CNIH2: variants seen among roughly 807,000 people sequenced by gnomAD.
The protein encoded by CNIH2 is cornichon family AMPA receptor auxiliary protein 2, also known as protein cornichon homolog 2.
A neutral mutation model predicts 22.9 loss-of-function variants in CNIH2; 8 were observed. That is an observed-to-expected ratio of 0.35 (90% CI 0.20 to 0.63). The LOEUF is 0.63. Among genes scored for constraint, CNIH2 ranks in the 30% least tolerant of loss-of-function variants. The pLI is 0.72. For synonymous variants in CNIH2, 74 were observed against 78.2 expected (o/e 0.95, Z 0.28); for missense variants, 105 against 206.2 (o/e 0.51, Z 3.01).
At chr11:66,281,601 C>G (rs1739797963) in intron 1 of CNIH2, 2 of 397,052 alleles carry the variant, frequency 5.0e-6, no homozygotes, top group Admixed American at 5.6e-5. Flanking sequence ...GCTCTGGCCT[C>G]ACAGGGCGCC....
chr11:66,278,272 C>T lies in CNIH2; in HGVS notation c.-185C>T, dbSNP rs1471012942. On this transcript the variant is annotated 5_prime_UTR_variant, in exon 1 of 6. Coordinates refer to ENST00000311445, the MANE Select transcript of CNIH2 (RefSeq NM_182553.3). Reference sequence around the variant, plus strand: ...CGGGCAGCCGGCAGCGGACGCGCCCCCCGAGCCCACCGGCCCGCGCCCCGC... The same window carrying T: ...CGGGCAGCCGGCAGCGGACGCGCCCTCCGAGCCCACCGGCCCGCGCCCCGC... 1 of 147,436 alleles carries T rather than the reference C, an allele frequency of 6.8e-6. No homozygotes were observed. 9.1% of individuals were successfully genotyped at this position (147,436 alleles called of 1,614,324 possible).
At position 66,283,744 on chromosome 11, in the gene CNIH2, G is replaced by A; in HGVS notation, c.*147G>A. On this transcript the variant is annotated 3_prime_UTR_variant, in exon 6 of 6. Coordinates refer to ENST00000311445, the MANE Select transcript of CNIH2 (RefSeq NM_182553.3). ...CTCCAACCCCCAAACTGCTGCTGCG[G>A]GGAACCCCCCCCACCCCGCCTTCAG... 1.2e-6 allele frequency: 1 copy of A among 850,810 alleles called. No homozygotes were observed. Among genetic ancestry groups the A allele is most frequent in the Non-Finnish European group, 1.8e-6 (1 of 555,064 alleles). The allele number at this position is 850,810 out of a possible 1,614,324, so 52.7% of individuals were successfully genotyped here. A position where few individuals can be genotyped will look rare whatever the true frequency, so the allele number is the denominator to read the frequency against.
At chr11:66,281,868 C>T (rs1230017915) in intron 1 of CNIH2, among the ~76,000 whole-genome samples, 1 of 152,100 alleles carries the variant, frequency 6.6e-6, no homozygotes, top group Non-Finnish European at 1.5e-5. Flanking sequence ...CCTCCCTGTA[C>T]CCCAAACCCT....
At chr11:66,283,451 C>T (rs957392770) in intron 5 of CNIH2, 60 bp downstream of exon 5, 9 of 1,611,380 alleles carry the variant, frequency 5.6e-6, no homozygotes, top group Non-Finnish European at 6.8e-6. Flanking sequence ...ATCACGCTTC[C>T]AATCCCAAGT....
At position 66,283,663 on chromosome 11, in the gene CNIH2, C is replaced by G; in HGVS notation, c.*66C>G. ...CGCCTGTGCACCCCCAGCCCTGCCC[C>G]TTGGCCGCAGAGGCCTCAGCCCTGG... On this transcript the variant is annotated 3_prime_UTR_variant, in exon 6 of 6. Transcript: ENST00000311445. 6.5e-7 allele frequency: 1 copy of G among 1,536,792 alleles called. No homozygotes were observed. The highest frequency in any genetic ancestry group is 1.2e-5 in the South Asian group (1 of 83,370).
Position 66,283,389 on chromosome 11 carries a change from C to T in CNIH2, c.453C>T (p.Tyr151=), listed in dbSNP as rs543315220. ...TGCTCTCCTTCTTCTATTACCTGTA[C>T]AGGTGAGGCCTTGCCCACAGCAGTC... is the stretch of plus-strand genomic sequence containing the variant. ...FYLLSFFYYL[Y]SMVYTLVSF The change falls in exon 5 of 6, where the codon TAC becomes TAT. Residue 151 remains tyrosine (Y), a splice_region_variant and synonymous_variant. Coordinates refer to ENST00000311445, the MANE Select transcript of CNIH2 (RefSeq NM_182553.3). The T allele has an allele frequency of 3.7e-5, 59 of 1,614,034 alleles. No homozygotes were observed. The highest frequency in any genetic ancestry group is 4.7e-5 in the Non-Finnish European group (56 of 1,180,004).
intron 1 of CNIH2, among the ~76,000 whole-genome samples, chr11:66,280,975 C>T (rs560245322): frequency 6.6e-6 from 1 of 152,320 alleles, no homozygotes; most frequent in East Asian, 1.9e-4. Flanking sequence ...CCATCATCCC[C>T]TCAAACACTT....
chr11:66,282,693 TCTC>T lies in CNIH2; in HGVS notation c.151-38_151-36del, dbSNP rs745345065. ...GGTGGGAGCTGCTCCAGTACCTGCT[TCTC>T]CGCCACCCCATCGCGGCCTTTTCCT... On this transcript the variant is annotated intron_variant, in intron 2 of 5. Coordinates refer to ENST00000311445, the MANE Select transcript of CNIH2 (RefSeq NM_182553.3). The T allele has an allele frequency of 5.9e-5, 95 of 1,612,616 alleles. 1 individual carries two copies. The South Asian group carries it at 8.3e-4, about 14-fold the overall frequency.
chr11:66,283,569 G>T lies in CNIH2; in HGVS notation c.456-1G>T. 1 of 1,592,152 alleles carries T rather than the reference G, an allele frequency of 6.3e-7. No individual in the cohort carries two copies. The highest frequency in any genetic ancestry group is 8.6e-7 in the Non-Finnish European group (1 of 1,168,424). On this transcript the variant is annotated splice_acceptor_variant, in intron 5 of 5. Transcript: ENST00000311445. LOFTEE classifies it high-confidence loss of function. ...AGGCTCACTGGCTCATCTTCCTACA[G>T]TATGGTTTATACGTTGGTGAGTTTC...
At chr11:66,282,423 T>C in intron 2 of CNIH2, 96 bp downstream of exon 2, 1 of 147,070 alleles carries the variant, frequency 6.8e-6, no homozygotes, top group South Asian at 8.7e-5. Context: ...GGGGGTGGGG[T>C]GGGGGGCCTA....
intron 3 of CNIH2, 40 bp downstream of exon 3, chr11:66,282,820 C>T (rs1206445547): frequency 6.3e-7 from 1 of 1,587,506 alleles, no homozygotes; most frequent in Non-Finnish European, 8.6e-7. Context: ...CCTAGCCCAG[C>T]GCTGCCCCCA....
chr11:66,282,456 G>C, intron 2 of CNIH2, 129 bp downstream of exon 2: 1 of 1,137,164 alleles, frequency 8.8e-7, no homozygotes, highest in Middle Eastern at 2.8e-4. Context: ...CTTCCTCTCT[G>C]TCTCCGCCCC....
In CNIH2 at chr11:66,278,551, G is replaced by A. The variant is rs1460292479; in HGVS notation, c.81+14G>A. On this transcript the variant is annotated intron_variant, in intron 1 of 5. Coordinates refer to ENST00000311445, the MANE Select transcript of CNIH2 (RefSeq NM_182553.3). ...GTCATCTGGCACGTAAGGCCGGGCTGGGGCTGGGGCTGGGGGCGGGGTGGG... is the reference window on the plus strand; with the variant it reads ...GTCATCTGGCACGTAAGGCCGGGCTAGGGCTGGGGCTGGGGGCGGGGTGGG... 3 of 1,371,244 alleles carry A rather than the reference G, an allele frequency of 2.2e-6. 1 individual carries two copies. The highest frequency in any genetic ancestry group is 5.1e-5 in the Admixed American group (2 of 38,950). The allele number at this position is 1,371,244 out of a possible 1,614,324, so 84.9% of individuals were successfully genotyped here.
chr11:66,282,418 T>TGGGGGGGG, intron 2 of CNIH2, 91 bp downstream of exon 2: 1 of 161,812 alleles, frequency 6.2e-6, no homozygotes, highest in East Asian at 1.1e-4. Flanking sequence ...AAGACGGGGG[T>TGGGGGGGG]GGGGTGGGGG....
intron 5 of CNIH2, 82 bp downstream of exon 5, chr11:66,283,473 G>T: frequency 2.5e-6 from 4 of 1,610,908 alleles, no homozygotes; most frequent in Non-Finnish European, 3.4e-6. Context: ...CCTGCCTTTT[G>T]CCCCTGAGGA....
chr11:66,282,573 T>TGACGGTCGCCATGGG (rs1857276088), intron 2 of CNIH2, 160 bp from the exon 3 acceptor site: 2 of 900,816 alleles, frequency 2.2e-6, no homozygotes, highest in African/African-American at 3.3e-5. Flanking sequence ...CCTTCCATGG[T>TGACGGTCGCCATGGG]GACGGTCGCC....
Position 66,282,366 on chromosome 11 carries a change from G to C in CNIH2, c.150+39G>C, listed in dbSNP as rs779890404. The C allele has an allele frequency of 5.7e-6, 8 of 1,403,504 alleles. No homozygotes were observed. In the South Asian group the frequency reaches 8.0e-5, roughly 14 times the overall value. The allele number at this position is 1,403,504 out of a possible 1,614,324, so 86.9% of individuals were successfully genotyped here. ...GTGCTGTGCCGAGGTGTGTCCGTCCGTCTGTCTTTCCATCTGTCGTGGGCT... is the reference window on the plus strand; with the variant it reads ...GTGCTGTGCCGAGGTGTGTCCGTCCCTCTGTCTTTCCATCTGTCGTGGGCT... On this transcript the variant is annotated intron_variant, in intron 2 of 5. Transcript: ENST00000311445.
intron 2 of CNIH2, 136 bp downstream of exon 2, chr11:66,282,463 C>T (rs916471411): frequency 4.5e-6 from 5 of 1,111,476 alleles, no homozygotes; most frequent in African/African-American, 1.6e-5. Flanking sequence ...TCTGTCTCCG[C>T]CCCCAGCAAA....
At chr11:66,282,707 T>A in intron 2 of CNIH2, 26 bp from the exon 3 acceptor site, 1 of 1,613,524 alleles carries the variant, frequency 6.2e-7, no homozygotes, top group Non-Finnish European at 8.5e-7. Flanking sequence ...CGCCACCCCA[T>A]CGCGGCCTTT....
Sources: allele counts gnomAD v4.1 joint callset (sites outside exome capture counted in the v4.1 genomes callset), GRCh38; gene constraint gnomAD v4.1.1; transcripts MANE v1.5; gene names NCBI Gene and HGNC (gene_info 2026-07-23, HGNC 2026-07-21).